The following ITGB1 variants were observed in gnomAD, a reference collection of about 807,000 sequenced individuals.
The protein encoded by ITGB1 is integrin beta-1.
ITGB1 carries 24 observed loss-of-function variants against 86.5 expected under a neutral mutation model. The ratio of observed to expected loss-of-function variants is 0.28; its 90% CI spans 0.20 to 0.39. The LOEUF is 0.39. ITGB1 is among the 10% of genes least tolerant of loss of function. ITGB1 has a pLI of 1.00. For synonymous variants in ITGB1, 323 were observed against 316.8 expected (o/e 1.02, Z -0.21); for missense variants, 556 against 946.9 (o/e 0.59, Z 5.42).
intron 1 of ITGB1, among the ~76,000 whole-genome samples, chr10:32,952,593 G>A (rs913093196): frequency 9.2e-5 from 14 of 152,102 alleles, no homozygotes; most frequent in Non-Finnish European, 1.8e-4. Flanking sequence ...GAAAGCTTAA[G>A]TTATTTACAT....
intron 1 of ITGB1, among the ~76,000 whole-genome samples, chr10:32,947,615 C>T (rs1373793364): frequency 5.9e-5 from 9 of 152,114 alleles, no homozygotes; most frequent in Non-Finnish European, 1.3e-4. Flanking sequence ...GAAGTTTCTC[C>T]ATGTTTTCTG....
intron 1 of ITGB1, among the ~76,000 whole-genome samples, chr10:32,952,784 CCA>C (rs1203509650): frequency 6.6e-6 from 1 of 152,108 alleles, no homozygotes; most frequent in East Asian, 1.9e-4. Flanking sequence ...TCCTCACCAA[CCA>C]CAATCAACTT....
At chr10:32,950,302 T>C (rs2095040134) in intron 1 of ITGB1, among the ~76,000 whole-genome samples, 1 of 151,896 alleles carries the variant, frequency 6.6e-6, no homozygotes, top group Admixed American at 6.6e-5. Flanking sequence ...TAGAGAGTAA[T>C]AAAAACGAGA....
chr10:32,944,269 G>A (rs2095025836), intron 1 of ITGB1, among the ~76,000 whole-genome samples: 1 of 152,366 alleles, frequency 6.6e-6, no homozygotes, highest in South Asian at 2.1e-4. Flanking sequence ...TTCAGGGAAG[G>A]CCTGGGAGCC....
Position 32,928,139 on chromosome 10 carries a change from C to A in ITGB1, c.502G>T (p.Asp168Tyr). ...DLENVKSLGT[D>Y]LMNEMRRITS... ...ATCCTCCTCATTTCATTCATCAGAT[C>A]TGTTCCAAGACTTTTTACATTCTCC... Residue 168 changes from aspartate to tyrosine, a missense_variant, in exon 5 of 16, where the codon GAT becomes TAT. Physicochemically the swap from Asp to Tyr is radical, Grantham distance 160. Coordinates refer to ENST00000302278, the MANE Select transcript of ITGB1 (RefSeq NM_002211.4). 3.8e-6 allele frequency: 6 copies of A among 1,599,734 alleles called. No homozygotes were observed. The highest frequency in any genetic ancestry group is 5.1e-6 in the Non-Finnish European group (6 of 1,167,530).
intron 5 of ITGB1, among the ~76,000 whole-genome samples, chr10:32,927,735 A>G (rs1471187867): frequency 6.6e-6 from 1 of 151,824 alleles, no homozygotes; most frequent in African/African-American, 2.4e-5. Flanking sequence ...CGGAGGTTGC[A>G]GTGAGCCGAG....
intron 1 of ITGB1, among the ~76,000 whole-genome samples, chr10:32,952,672 G>A (rs1451379726): frequency 6.6e-6 from 1 of 151,958 alleles, no homozygotes; most frequent in Non-Finnish European, 1.5e-5. Flanking sequence ...ACCTAATTTC[G>A]TATGTAAATA....
chr10:32,925,587 TA>T (rs2094962012), intron 6 of ITGB1, among the ~76,000 whole-genome samples: 1 of 152,212 alleles, frequency 6.6e-6, no homozygotes, highest in African/African-American at 2.4e-5. Context: ...GACCACCAGC[TA>T]CAGTACAGAG....
intron 15 of ITGB1, among the ~76,000 whole-genome samples, chr10:32,907,966 A>G (rs2137161697): frequency 6.6e-6 from 1 of 152,252 alleles, no homozygotes; most frequent in South Asian, 2.1e-4. Context: ...TTGGTATATA[A>G]CCTTTTGAAT....
chr10:32,956,407 A>C (rs867209187), intron 1 of ITGB1, among the ~76,000 whole-genome samples: 87 of 149,376 alleles, frequency 5.8e-4, no homozygotes, highest in African/African-American at 1.9e-3. Context: ...TTAAAAAAAA[A>C]AAAATAAAAA....
At chr10:32,921,995 T>G (rs1457653826) in intron 9 of ITGB1, among the ~76,000 whole-genome samples, 1 of 152,192 alleles carries the variant, frequency 6.6e-6, no homozygotes, top group African/African-American at 2.4e-5. Context: ...AACAAGGAGA[T>G]CTATTCCTTA....
At chr10:32,951,009 T>C (rs181965591) in intron 1 of ITGB1, among the ~76,000 whole-genome samples, 5 of 152,284 alleles carry the variant, frequency 3.3e-5, no homozygotes, top group East Asian at 1.9e-4. Context: ...ATAGTACGCA[T>C]TGGCAAACAA....
chr10:32,935,794 C>A, intron 1 of ITGB1: 1 of 390,060 alleles, frequency 2.6e-6, no homozygotes, highest in Non-Finnish European at 4.7e-6. Flanking sequence ...AGAATCCATT[C>A]GTGCCTTTCT....
At position 32,912,788 on chromosome 10, in the gene ITGB1, G is replaced by A. The variant is rs117370627; in HGVS notation, c.1470-664C>T. On this transcript the variant is annotated intron_variant, in intron 11 of 15. Transcript: ENST00000302278. The stretch of plus-strand genomic sequence containing the variant: ...GAAACTTCTGCAGACTTAAACATCC[G>A]TGTCTGACAGCTTTGAAGAGAGTAG... Among the ~76,000 whole-genome samples the A allele has an allele frequency of 8.0e-3, 1,226 of 152,308 alleles. 7 individuals carry two copies. Among genetic ancestry groups the A allele is most frequent in the Middle Eastern group, 0.02 (6 of 294 alleles).
intron 1 of ITGB1, among the ~76,000 whole-genome samples, chr10:32,940,508 A>T (rs1174832776): frequency 6.6e-6 from 1 of 152,180 alleles, no homozygotes; most frequent in Non-Finnish European, 1.5e-5. Context: ...CATGTGAGTA[A>T]TGTGTTGCAC....
chr10:32,925,256 T>C (rs930120126), intron 6 of ITGB1, among the ~76,000 whole-genome samples: 6 of 152,168 alleles, frequency 3.9e-5, no homozygotes, highest in Non-Finnish European at 7.4e-5. Flanking sequence ...AAAATACAAA[T>C]TATTGAACCA....
chr10:32,929,807 GT>G lies in ITGB1; in HGVS notation c.376+14del. 1 of 1,437,336 alleles carries G rather than the reference GT, an allele frequency of 7.0e-7. No homozygotes were observed. Among genetic ancestry groups the G allele is most frequent in the Non-Finnish European group, 9.8e-7 (1 of 1,018,806 alleles). The allele number at this position is 1,437,336 out of a possible 1,614,324, so 89.0% of individuals were successfully genotyped here. On this transcript the variant is annotated intron_variant, in intron 4 of 15. Transcript: ENST00000302278. ...AAGTAAACACGCAGGTATTCACAGA[GT>G]TGGGCTTCCATACCTGATCTTAATC... is the stretch of plus-strand genomic sequence containing the variant.
At chr10:32,906,278 A>T (rs971818508) in intron 15 of ITGB1, among the ~76,000 whole-genome samples, 1 of 152,176 alleles carries the variant, frequency 6.6e-6, no homozygotes, top group Admixed American at 6.5e-5. Flanking sequence ...AAATTTACTC[A>T]TAACAAATTT....
intron 6 of ITGB1, among the ~76,000 whole-genome samples, chr10:32,924,931 G>A (rs1231785339): frequency 1.3e-5 from 2 of 152,202 alleles, no homozygotes; most frequent in Non-Finnish European, 2.9e-5. Flanking sequence ...TTAAAGAGAA[G>A]AAAACAGCCC....
Sources: gnomAD v4.1 joint callset for allele counts (sites outside exome capture counted in the v4.1 genomes callset) on GRCh38, gnomAD v4.1.1 for gene constraint, MANE v1.5 for transcripts, NCBI Gene and HGNC (gene_info 2026-07-23, HGNC 2026-07-21) for gene names.